PLEKHM3: variants seen among roughly 807,000 people sequenced by gnomAD.
The protein encoded by PLEKHM3 is pleckstrin homology domain-containing family M member 3.
A neutral mutation model predicts 81.8 loss-of-function variants in PLEKHM3; 45 were observed. That is an observed-to-expected ratio of 0.55 (90% CI 0.43 to 0.71). The LOEUF is 0.71. Ranked by LOEUF, PLEKHM3 falls within the 30% of genes least tolerant of loss-of-function variation. The pLI is 0.00. For missense variants in PLEKHM3, 788 were observed against 924.3 expected (o/e 0.85, Z 1.91); for synonymous variants, 352 against 356.4 (o/e 0.99, Z 0.14).
At chr2:207,919,490 G>A (rs985152713) in intron 5 of PLEKHM3, among the ~76,000 whole-genome samples, 5 of 152,182 alleles carry the variant, frequency 3.3e-5, no homozygotes, top group African/African-American at 1.2e-4. Flanking sequence ...AATAATCCAG[G>A]CGAAAGGTGA....
chr2:207,968,594 C>T (rs1691006852), intron 3 of PLEKHM3, among the ~76,000 whole-genome samples: 1 of 152,148 alleles, frequency 6.6e-6, no homozygotes, highest in African/African-American at 2.4e-5. Flanking sequence ...TTGAAGAGCA[C>T]AACCTGCACC....
chr2:207,976,085 G>C lies in PLEKHM3; in HGVS notation c.1546+566C>G, dbSNP rs912469431. On this transcript the variant is annotated intron_variant, in intron 3 of 7. Coordinates refer to ENST00000427836, the MANE Select transcript of PLEKHM3 (RefSeq NM_001080475.3). This position sits in a 1 kb window ranked among gnomAD's most constrained non-coding sequence, Gnocchi z 4.1. Reference sequence around the variant, plus strand: ...TCCCCATGATGGGCATAAGCCCATAGTGACTCAGTGGTCATCTGCTGAATC... The same window carrying C: ...TCCCCATGATGGGCATAAGCCCATACTGACTCAGTGGTCATCTGCTGAATC... Among the ~76,000 whole-genome samples, 1 of 152,160 alleles carries C rather than the reference G, an allele frequency of 6.6e-6. No individual in the cohort carries two copies. Among genetic ancestry groups the C allele is most frequent in the Non-Finnish European group, 1.5e-5 (1 of 68,028 alleles).
chr2:208,011,681 T>A (rs1313067026), intron 1 of PLEKHM3, among the ~76,000 whole-genome samples: 1 of 151,782 alleles, frequency 6.6e-6, no homozygotes, highest in Admixed American at 6.6e-5. Flanking sequence ...GGGGGATGGT[T>A]GCACCAAAAT....
In PLEKHM3 at chr2:207,822,434, T is replaced by A. The variant is rs2092223589; in HGVS notation, c.*5885A>T. ...TTATTTCTCTACCCATTGGCCTTGG[T>A]GACATCATGACATTCCCCTGAGTTT... On this transcript the variant is annotated 3_prime_UTR_variant, in exon 8 of 8. Coordinates refer to ENST00000427836, the MANE Select transcript of PLEKHM3 (RefSeq NM_001080475.3). 1 of 152,660 alleles carries A rather than the reference T, an allele frequency of 6.6e-6. No individual in the cohort carries two copies. The highest frequency in any genetic ancestry group is 2.4e-5 in the African/African-American group (1 of 41,452). 9.5% of individuals were successfully genotyped at this position (152,660 alleles called of 1,614,324 possible).
chr2:207,968,353 G>A (rs946279746), intron 3 of PLEKHM3, among the ~76,000 whole-genome samples: 2 of 152,044 alleles, frequency 1.3e-5, no homozygotes, highest in African/African-American at 4.8e-5. Flanking sequence ...GTTAAATTCT[G>A]TGGGAACTAA....
chr2:207,966,885 A>G (rs1690933733), intron 3 of PLEKHM3, among the ~76,000 whole-genome samples: 1 of 152,220 alleles, frequency 6.6e-6, no homozygotes, highest in African/African-American at 2.4e-5. Context: ...AACAGCATAC[A>G]TAACTGAAGT....
intron 6 of PLEKHM3, among the ~76,000 whole-genome samples, chr2:207,886,157 T>C (rs1223818586): frequency 6.6e-6 from 1 of 152,196 alleles, no homozygotes; most frequent in Non-Finnish European, 1.5e-5. Context: ...TGGAAAAGTA[T>C]AATTTTTAAA....
At chr2:207,902,936 A>C (rs1688487027) in intron 6 of PLEKHM3, among the ~76,000 whole-genome samples, 1 of 151,034 alleles carries the variant, frequency 6.6e-6, no homozygotes, top group Admixed American at 6.6e-5. Flanking sequence ...GCTTTAGTAT[A>C]AAACAAACGG....
intron 5 of PLEKHM3, among the ~76,000 whole-genome samples, chr2:207,923,876 CACACAT>C (rs60703620): frequency 0.051 from 2,063 of 40,834 alleles, 49 homozygotes; most frequent in Non-Finnish European, 0.087. Context: ...CACACACACA[CACACAT>C]ATATATATAT....
intron 6 of PLEKHM3, among the ~76,000 whole-genome samples, chr2:207,888,359 A>C (rs1054917176): frequency 2.0e-5 from 3 of 150,608 alleles, no homozygotes; most frequent in African/African-American, 7.3e-5. Context: ...CTTCATACAC[A>C]CACACACACA....
At chr2:207,953,314 C>T (rs1168262040) in intron 3 of PLEKHM3, among the ~76,000 whole-genome samples, 1 of 152,238 alleles carries the variant, frequency 6.6e-6, no homozygotes, top group Non-Finnish European at 1.5e-5. Context: ...AGGAAATACA[C>T]ATGCTCAAAT....
chr2:207,885,011 T>C (rs1190485886), intron 6 of PLEKHM3, among the ~76,000 whole-genome samples: 2 of 152,246 alleles, frequency 1.3e-5, no homozygotes, highest in East Asian at 3.8e-4. Context: ...AGAACCTGCA[T>C]GTCTCTCTAT....
intron 5 of PLEKHM3, among the ~76,000 whole-genome samples, chr2:207,926,572 T>A (rs1051264939): frequency 6.6e-6 from 1 of 152,228 alleles, no homozygotes; most frequent in Non-Finnish European, 1.5e-5. Context: ...TGCACCTTCA[T>A]GTGTGGACAC....
At chr2:207,857,644 G>A (rs1449674499) in intron 7 of PLEKHM3, among the ~76,000 whole-genome samples, 1 of 151,670 alleles carries the variant, frequency 6.6e-6, no homozygotes, top group Non-Finnish European at 1.5e-5. Flanking sequence ...CTAATTTGTT[G>A]GTATAACATT....
intron 6 of PLEKHM3, among the ~76,000 whole-genome samples, chr2:207,891,505 C>G (rs1455923663): frequency 1.3e-5 from 2 of 152,174 alleles, no homozygotes; most frequent in Non-Finnish European, 2.9e-5. Context: ...CTGTCTGGCT[C>G]CAGACTCTCT....
chr2:207,866,327 T>C (rs2092500827), intron 6 of PLEKHM3, among the ~76,000 whole-genome samples: 1 of 152,116 alleles, frequency 6.6e-6, no homozygotes, highest in South Asian at 2.1e-4. Flanking sequence ...AGCTAATTTT[T>C]TGTATTTTTA....
intron 6 of PLEKHM3, among the ~76,000 whole-genome samples, chr2:207,869,389 C>G (rs2092520638): frequency 6.6e-6 from 1 of 152,150 alleles, no homozygotes; most frequent in African/African-American, 2.4e-5. Context: ...CCTCCTTTCC[C>G]TTTCTCCATA....
In PLEKHM3 at chr2:207,977,093, G is replaced by C. The variant is rs201412955; in HGVS notation, c.1104C>G (p.Leu368=). The C allele has an allele frequency of 1.2e-6, 2 of 1,614,200 alleles. No homozygotes were observed. Among genetic ancestry groups the C allele is most frequent in the East Asian group, 2.2e-5 (1 of 44,886 alleles). Residue 368 remains leucine, a synonymous_variant, in exon 3 of 8, where the codon CTC becomes CTG. Transcript: ENST00000427836. ...QYQNILKSGT[L]YRLTVQNNWK... ...AGTTGTTTTGGACAGTCAGCCTGTA[G>C]AGAGTCCCTGATTTGAGGATGTTTT...
At chr2:207,868,768 T>C (rs1012544781) in intron 6 of PLEKHM3, 2 of 152,200 alleles carry the variant, frequency 1.3e-5, no homozygotes, top group African/African-American at 4.8e-5. Context: ...AAAAAAGCTA[T>C]GAAGGCCACA....
Sources: allele counts gnomAD v4.1 joint callset (sites outside exome capture counted in the v4.1 genomes callset), GRCh38; gene constraint gnomAD v4.1.1; non-coding constraint Gnocchi (gnomAD v3.1); transcripts MANE v1.5; gene names NCBI Gene and HGNC (gene_info 2026-07-23, HGNC 2026-07-21).